GSAP: variants seen among roughly 807,000 people sequenced by gnomAD.
GSAP encodes gamma-secretase activating protein.
A neutral mutation model predicts 131.7 loss-of-function variants in GSAP; 118 were observed. The ratio of observed to expected loss-of-function variants is 0.90; its 90% CI spans 0.77 to 1.04. The LOEUF is 1.04. Ranked by LOEUF, GSAP falls within the 50% of genes least tolerant of loss-of-function variation. The probability of loss-of-function intolerance (pLI) is 0.00; values close to 1 mark genes in which losing one functional copy is unlikely to be tolerated. For missense variants in GSAP, 1,019 were observed against 1,013.2 expected (o/e 1.01, Z -0.08); for synonymous variants, 381 against 363.4 (o/e 1.05, Z -0.55).
At chr7:77,334,358 G>A (rs1482375641) in intron 19 of GSAP, among the ~76,000 whole-genome samples, 1 of 151,914 alleles carries the variant, frequency 6.6e-6, no homozygotes, top group East Asian at 1.9e-4. Flanking sequence ...TCACTTATAA[G>A]TAGGAGCTGA....
intron 3 of GSAP, among the ~76,000 whole-genome samples, chr7:77,397,688 G>T (rs150302544): frequency 6.6e-6 from 1 of 152,188 alleles, no homozygotes; most frequent in African/African-American, 2.4e-5. Flanking sequence ...CTAGATCCAG[G>T]TTCAAACCCT....
intron 7 of GSAP, among the ~76,000 whole-genome samples, 193 bp downstream of exon 7, chr7:77,382,381 C>G (rs899264270): frequency 3.9e-5 from 6 of 152,162 alleles, no homozygotes; most frequent in African/African-American, 9.7e-5. Flanking sequence ...AAGCTGAACA[C>G]AGCCAAAGGG....
At chr7:77,389,494 T>A (rs867028122) in intron 5 of GSAP, among the ~76,000 whole-genome samples, 9 of 146,246 alleles carry the variant, frequency 6.2e-5, no homozygotes, top group Middle Eastern at 6.9e-3. Flanking sequence ...CCATGTGTTC[T>A]CATTGTTCGA....
At chr7:77,394,570 C>A (rs1339039607) in intron 5 of GSAP, among the ~76,000 whole-genome samples, 1 of 152,128 alleles carries the variant, frequency 6.6e-6, no homozygotes, top group South Asian at 2.1e-4. Flanking sequence ...CAATATAACT[C>A]TAGGATCACT....
rs1201988382 is a variant in GSAP at position 77,355,535 on chromosome 7, G to A, written c.1120+20C>T. Reference sequence around the variant, plus strand: ...AAACTCAAATGGGCCACCTCTACAAGAGAAAAACTATAGCCGTACCTGTCA... The same window carrying A: ...AAACTCAAATGGGCCACCTCTACAAAAGAAAAACTATAGCCGTACCTGTCA... On this transcript the variant is annotated intron_variant, in intron 15 of 30. Transcript: ENST00000257626. 5 of 1,577,232 alleles carry A rather than the reference G, an allele frequency of 3.2e-6. No individual in the cohort carries two copies. The highest frequency in any genetic ancestry group is 4.4e-6 in the Non-Finnish European group (5 of 1,148,186).
At chr7:77,349,166 T>C (rs139593631) in intron 19 of GSAP, among the ~76,000 whole-genome samples, 185 bp downstream of exon 19, 122 of 152,296 alleles carry the variant, frequency 8.0e-4, no homozygotes, top group African/African-American at 2.7e-3. Flanking sequence ...TTCCTGAGAA[T>C]TGCCATAATA....
rs374730427 is a variant in GSAP at position 77,353,062 on chromosome 7, A to G, written c.1409-36T>C. The G allele has an allele frequency of 5.2e-6, 6 of 1,149,640 alleles. No homozygotes were observed. In the African/African-American group the frequency reaches 9.1e-5, roughly 17 times the overall value. The allele number at this position is 1,149,640 out of a possible 1,614,324, so 71.2% of individuals were successfully genotyped here. On this transcript the variant is annotated intron_variant, in intron 17 of 30. Coordinates refer to ENST00000257626, the MANE Select transcript of GSAP (RefSeq NM_017439.4). Reference sequence around the variant, plus strand: ...TTTTTTTGAAACAGGGGGAAAAAAGATGTGGTTTAATAAGATGATGACAGC... The same window carrying G: ...TTTTTTTGAAACAGGGGGAAAAAAGGTGTGGTTTAATAAGATGATGACAGC...
At chr7:77,400,298 C>T (rs1801108697) in intron 3 of GSAP, among the ~76,000 whole-genome samples, 1 of 152,138 alleles carries the variant, frequency 6.6e-6, no homozygotes, top group Non-Finnish European at 1.5e-5. Context: ...CCCACCCAGA[C>T]CCAGTAGTAA....
intron 28 of GSAP, among the ~76,000 whole-genome samples, chr7:77,312,483 A>T (rs1377583596): frequency 6.6e-6 from 1 of 152,166 alleles, no homozygotes. Context: ...TCAAAACCAG[A>T]GATGGGCATG....
At chr7:77,407,725 T>C (rs1802543379) in intron 1 of GSAP, among the ~76,000 whole-genome samples, 1 of 152,310 alleles carries the variant, frequency 6.6e-6, no homozygotes. Flanking sequence ...CAATATCTAG[T>C]GAAGCTGAAC....
chr7:77,357,212 G>A (rs746198785), intron 14 of GSAP, among the ~76,000 whole-genome samples: 10 of 152,146 alleles, frequency 6.6e-5, no homozygotes, highest in East Asian at 3.9e-4. Flanking sequence ...AGGCTCTAGG[G>A]ATGGATGTTC....
At chr7:77,372,167 T>C (rs1174927073) in intron 12 of GSAP, among the ~76,000 whole-genome samples, 2 of 152,204 alleles carry the variant, frequency 1.3e-5, no homozygotes, top group African/African-American at 2.4e-5. Context: ...TAAATGCCTA[T>C]GTAAGTAAAC....
chr7:77,333,876 C>T (rs1226206754), intron 19 of GSAP, among the ~76,000 whole-genome samples: 5 of 152,050 alleles, frequency 3.3e-5, no homozygotes, highest in African/African-American at 9.7e-5. Flanking sequence ...CAAGACACAC[C>T]ATCGCACCAC....
chr7:77,340,068 T>C (rs1287483309), intron 19 of GSAP, among the ~76,000 whole-genome samples: 1 of 152,162 alleles, frequency 6.6e-6, no homozygotes, highest in African/African-American at 2.4e-5. Flanking sequence ...AATGATGACA[T>C]TCCACCATTG....
At chr7:77,349,255 GC>G in intron 19 of GSAP, 95 bp downstream of exon 19, 1 of 966,116 alleles carries the variant, frequency 1.0e-6, no homozygotes, top group Non-Finnish European at 1.7e-6. Flanking sequence ...CCCCTCCCCT[GC>G]CAATTTGCAA....
At chr7:77,380,441 T>C (rs1291270220) in intron 8 of GSAP, among the ~76,000 whole-genome samples, 1 of 151,990 alleles carries the variant, frequency 6.6e-6, no homozygotes, top group African/African-American at 2.4e-5. Context: ...CATAAGGCTA[T>C]AGGAAAAAAA....
At chr7:77,396,705 T>C (rs1244757071) in intron 5 of GSAP, among the ~76,000 whole-genome samples, 1 of 152,160 alleles carries the variant, frequency 6.6e-6, no homozygotes, top group Non-Finnish European at 1.5e-5. Context: ...CATCTGACCA[T>C]AGGTTTCTAC....
rs780370087 is a variant in GSAP at position 77,314,441 on chromosome 7, T to C, written c.2138A>G (p.His713Arg). The C allele has an allele frequency of 1.1e-5, 17 of 1,613,746 alleles. No homozygotes were observed. Among genetic ancestry groups the C allele is most frequent in the Non-Finnish European group, 1.4e-5 (16 of 1,179,832 alleles). Residue 713 changes from histidine to arginine, a missense_variant, in exon 27 of 31, where the codon CAT becomes CGT. By Grantham distance (29) the His-to-Arg change is conservative. Transcript: ENST00000257626. ...ACTGTCAATGCAATGCAGCAGGTTA[T>C]GCAAAGGGAGACACTGGACCCCGAG... ...TILGVQCLPL[H>R]NLLHCIDSGV...
At chr7:77,370,258 G>C (rs567819143) in intron 12 of GSAP, among the ~76,000 whole-genome samples, 1 of 152,196 alleles carries the variant, frequency 6.6e-6, no homozygotes, top group East Asian at 1.9e-4. Flanking sequence ...AGGAGTTCGA[G>C]ACCAGCGTGG....
Sources: allele counts gnomAD v4.1 joint callset (sites outside exome capture counted in the v4.1 genomes callset), GRCh38; gene constraint gnomAD v4.1.1; transcripts MANE v1.5; gene names NCBI Gene and HGNC (gene_info 2026-07-23, HGNC 2026-07-21).